The following KCNG4 variants were observed in gnomAD, a reference collection of about 807,000 sequenced individuals.
The protein encoded by KCNG4 is voltage-gated potassium channel regulatory subunit KCNG4.
KCNG4 carries 30 observed loss-of-function variants against 28.2 expected under a neutral mutation model. The observed-to-expected ratio is 1.06, with a 90% CI of 0.80 to 1.44. The LOEUF is 1.44. KCNG4 is among the 40% of genes most tolerant of loss of function. KCNG4 has a pLI of 0.00. For synonymous variants in KCNG4, 375 were observed against 315.5 expected (o/e 1.19, Z -2.00); for missense variants, 879 against 712.3 (o/e 1.23, Z -2.66).
rs1412917865 is a variant in KCNG4, at chr16:84,222,412, G to A, written c.1365C>T (p.His455=). 1 of 1,614,080 alleles carries A rather than the reference G, an allele frequency of 6.2e-7. No homozygotes were observed. Among genetic ancestry groups the A allele is most frequent in the Non-Finnish European group, 8.5e-7 (1 of 1,180,040 alleles). The change falls in exon 3 of 3, where the codon CAC becomes CAT. Residue 455 remains histidine, a synonymous_variant. Coordinates refer to ENST00000308251, the MANE Select transcript of KCNG4 (RefSeq NM_172347.3). ...IMAFPATSIF[H]TFSHSYLELK... ...GCTCCAGGTAGGAGTGGGAGAAGGT[G>A]TGGAAGATAGACGTGGCCGGGAAGG... is the stretch of plus-strand genomic sequence containing the variant.
chr16:84,219,376 G>A lies in KCNG4; in HGVS notation c.*2841C>T, dbSNP rs1904502122. ...CAGCGCCCAAGCCAGTCAGTCCCCAGAAAGAGAGTAAGTGGGAGACTTTGT... is the reference window on the plus strand; with the variant it reads ...CAGCGCCCAAGCCAGTCAGTCCCCAAAAAGAGAGTAAGTGGGAGACTTTGT... On this transcript the variant is annotated 3_prime_UTR_variant, in exon 3 of 3. Transcript: ENST00000308251. 1 of 152,310 alleles carries A rather than the reference G, an allele frequency of 6.6e-6. No individual in the cohort carries two copies. The highest frequency in any genetic ancestry group is 2.4e-5 in the African/African-American group (1 of 41,470). The allele number at this position is 152,310 out of a possible 1,614,324, so 9.4% of individuals were successfully genotyped here.
At chr16:84,231,891 C>G (rs1382014690) in intron 2 of KCNG4, among the ~76,000 whole-genome samples, 3 of 151,462 alleles carry the variant, frequency 2.0e-5, no homozygotes, top group African/African-American at 7.3e-5. Flanking sequence ...ATAATCCCAG[C>G]TACGTGGGAG....
intron 2 of KCNG4, among the ~76,000 whole-genome samples, chr16:84,235,053 C>A (rs1029511385): frequency 1.1e-4 from 17 of 152,146 alleles, no homozygotes; most frequent in South Asian, 6.2e-4. Flanking sequence ...CAGGAGGAGA[C>A]GTGGCTGCCT....
rs1904539966 is a variant in KCNG4 at position 84,220,811 on chromosome 16, T to G, written c.*1406A>C. 6.6e-6 allele frequency: 1 copy of G among 152,310 alleles called. No individual in the cohort carries two copies. Among genetic ancestry groups the G allele is most frequent in the African/African-American group, 2.4e-5 (1 of 41,460 alleles). 9.4% of individuals were successfully genotyped at this position (152,310 alleles called of 1,614,324 possible). On this transcript the variant is annotated 3_prime_UTR_variant, in exon 3 of 3. Transcript: ENST00000308251. ...AGGAGGGAGGGCTGTCTTGCCTGAA[T>G]GGCTCAATGGCTCCTCATCCCAAAC...
At chr16:84,238,020 T>A (rs781410142) in intron 1 of KCNG4, among the ~76,000 whole-genome samples, 1 of 152,194 alleles carries the variant, frequency 6.6e-6, no homozygotes, top group Admixed American at 6.5e-5. Flanking sequence ...CACAGGTGGG[T>A]TACTCAGTGT....
intron 2 of KCNG4, chr16:84,235,797 T>G (rs1390576875): frequency 6.6e-6 from 1 of 152,220 alleles, no homozygotes; most frequent in African/African-American, 2.4e-5. Flanking sequence ...CTCCAAACAT[T>G]AAGATGATGG....
chr16:84,235,384 C>T (rs537178793), intron 2 of KCNG4: 1 of 152,264 alleles, frequency 6.6e-6, no homozygotes, highest in South Asian at 2.1e-4. Flanking sequence ...GCAGAGTCCA[C>T]ACATAAATAT....
In KCNG4 at chr16:84,219,090, G is replaced by A. The variant is rs1904495520; in HGVS notation, c.*3127C>T. ...CTTACCACTCAGTTCAAAGGGCTGG[G>A]CTGGACACTGACGGGAAGGAGAGGA... On this transcript the variant is annotated 3_prime_UTR_variant, in exon 3 of 3. Coordinates refer to ENST00000308251, the MANE Select transcript of KCNG4 (RefSeq NM_172347.3). 1 of 152,310 alleles carries A rather than the reference G, an allele frequency of 6.6e-6. No individual in the cohort carries two copies. Among genetic ancestry groups the A allele is most frequent in the South Asian group, 2.1e-4 (1 of 4,836 alleles). The allele number at this position is 152,310 out of a possible 1,614,324, so 9.4% of individuals were successfully genotyped here. A position where few individuals can be genotyped will look rare whatever the true frequency, so the allele number is the denominator to read the frequency against.
At chr16:84,232,682 T>C (rs1904854049) in intron 2 of KCNG4, among the ~76,000 whole-genome samples, 1 of 152,056 alleles carries the variant, frequency 6.6e-6, no homozygotes, top group African/African-American at 2.4e-5. Context: ...GGAGACTCAC[T>C]TGAGCTCAGG....
intron 2 of KCNG4, among the ~76,000 whole-genome samples, chr16:84,225,205 C>A (rs1371276084): frequency 6.6e-6 from 1 of 150,558 alleles, no homozygotes; most frequent in African/African-American, 2.4e-5. Context: ...ATTCTCCAGC[C>A]CACCGAGAGG....
Position 84,236,960 on chromosome 16 carries a change from C to CCAGCTCCTA in KCNG4, c.525_526insTAGGAGCTG (p.Leu175_Ala176insTer). 1 of 1,607,762 alleles carries CCAGCTCCTA rather than the reference C, an allele frequency of 6.2e-7. No individual in the cohort carries two copies. Among genetic ancestry groups the CCAGCTCCTA allele is most frequent in the Non-Finnish European group, 8.5e-7 (1 of 1,179,434 alleles). On this transcript the variant is annotated stop_gained and inframe_insertion, in exon 2 of 3. Coordinates refer to ENST00000308251, the MANE Select transcript of KCNG4 (RefSeq NM_172347.3). LOFTEE classifies it high-confidence loss of function. ...AGTACGTCCTCCCTGTGCAGCTTGG[C>CCAGCTCCTA]CAGCTCCTCCAGCTCCTCCAGCTTC...
chr16:84,228,538 G>A (rs567479635), intron 2 of KCNG4, among the ~76,000 whole-genome samples: 4 of 151,272 alleles, frequency 2.6e-5, no homozygotes, highest in East Asian at 3.9e-4. Flanking sequence ...CCTTTACTCC[G>A]CTCCCATGGG....
Position 84,237,113 on chromosome 16 carries a change from T to C in KCNG4, c.373A>G (p.Ser125Gly). 1 of 1,614,078 alleles carries C rather than the reference T, an allele frequency of 6.2e-7. No homozygotes were observed. The highest frequency in any genetic ancestry group is 1.1e-5 in the South Asian group (1 of 91,084). Residue 125 changes from serine (S) to glycine (G), a missense_variant, in exon 2 of 3, where the codon AGC (serine) becomes GGC (glycine). Physicochemically the swap from Ser to Gly is moderately conservative, Grantham distance 56 (BLOSUM62 0). Transcript: ENST00000308251. The part of the protein sequence containing the change: ...RSPSAFGVIV[S>G]FLAAGKLVLL... ...ACCAGCTTCCCGGCCGCCAGGAAGC[T>C]CACGATCACCCCGAAGGCGCTGGGG...
intron 2 of KCNG4, chr16:84,235,366 T>C (rs1402070319): frequency 6.6e-6 from 1 of 152,184 alleles, no homozygotes; most frequent in African/African-American, 2.4e-5. Context: ...TGTCTTAATC[T>C]TTGTACTGCA....
In KCNG4 at chr16:84,222,969, C is replaced by G. The variant is rs537957795; in HGVS notation, c.808G>C (p.Val270Leu). 11 of 1,556,682 alleles carry G rather than the reference C, an allele frequency of 7.1e-6. No homozygotes were observed. Among genetic ancestry groups the G allele is most frequent in the Non-Finnish European group, 9.6e-6 (11 of 1,150,944 alleles). ...YYIFIVETICVAWFSLEFCLR... is the reference protein window; with the variant it reads ...YYIFIVETICLAWFSLEFCLR... ...CAGAACTCCAGGGAGAACCAGGCCA[C>G]GCAGATGGTCTCCACGATGAAAATA... The change falls in exon 3 of 3, where the codon GTG becomes CTG. Residue 270 changes from valine to leucine, a missense_variant. Val to Leu is a conservative substitution (Grantham distance 32). Coordinates refer to ENST00000308251, the MANE Select transcript of KCNG4 (RefSeq NM_172347.3).
intron 2 of KCNG4, among the ~76,000 whole-genome samples, chr16:84,223,936 C>T (rs561206243): frequency 6.6e-6 from 1 of 152,208 alleles, no homozygotes; most frequent in Non-Finnish European, 1.5e-5. Context: ...GTGATTGCTG[C>T]CATCGACATG....
intron 1 of KCNG4, 66 bp from the exon 2 acceptor site, chr16:84,237,591 G>T: frequency 8.8e-7 from 1 of 1,130,360 alleles, no homozygotes; most frequent in Non-Finnish European, 1.2e-6. Context: ...AAGAGTCCTG[G>T]ATGTCACGAC....
intron 2 of KCNG4, among the ~76,000 whole-genome samples, chr16:84,229,415 G>A (rs779857270): frequency 6.6e-6 from 1 of 152,242 alleles, no homozygotes; most frequent in Non-Finnish European, 1.5e-5. Context: ...GGATTGTGGT[G>A]AGGATTAAAT....
intron 2 of KCNG4, among the ~76,000 whole-genome samples, chr16:84,232,740 T>C (rs899567084): frequency 6.6e-6 from 1 of 151,384 alleles, no homozygotes; most frequent in Non-Finnish European, 1.5e-5. Flanking sequence ...CTCTACAAAA[T>C]GTACAAAAAT....
Sources: gnomAD v4.1 joint callset for allele counts (sites outside exome capture counted in the v4.1 genomes callset) on GRCh38, gnomAD v4.1.1 for gene constraint, MANE v1.5 for transcripts, NCBI Gene and HGNC (gene_info 2026-07-23, HGNC 2026-07-21) for gene names.